Variants in DLG2 observed in about 807,000 individuals in gnomAD.
The protein encoded by DLG2 is discs large MAGUK scaffold protein 2, also known as disks large homolog 2.
In DLG2, 45 loss-of-function variants were observed where a neutral mutation model predicts 132.5. That is an observed-to-expected ratio of 0.34 (90% CI 0.27 to 0.44). The LOEUF is 0.44. DLG2 is among the 20% of genes least tolerant of loss of function. DLG2 has a pLI of 1.00. For synonymous variants in DLG2, 424 were observed against 419.6 expected (o/e 1.01, Z -0.13); for missense variants, 1,045 against 1,196.9 (o/e 0.87, Z 1.87).
chr11:84,926,341 A>G (rs1402699757), intron 6 of DLG2, among the ~76,000 whole-genome samples: 1 of 152,046 alleles, frequency 6.6e-6, no homozygotes, highest in Admixed American at 6.6e-5. Context: ...TAGTGATTCA[A>G]CTTTCAGGAA....
At chr11:84,080,800 T>C (rs2096890783) in intron 10 of DLG2, among the ~76,000 whole-genome samples, 1 of 152,074 alleles carries the variant, frequency 6.6e-6, no homozygotes, top group Non-Finnish European at 1.5e-5. Flanking sequence ...CAGACCAGCC[T>C]GGCCAACAAG....
chr11:84,411,053 T>A (rs544192716), intron 7 of DLG2, among the ~76,000 whole-genome samples: 2 of 152,274 alleles, frequency 1.3e-5, no homozygotes, highest in African/African-American at 2.4e-5. Context: ...TCCATACATC[T>A]AAACAAACCA....
At chr11:83,486,165 G>A in intron 21 of DLG2, 1 of 650,094 alleles carries the variant, frequency 1.5e-6, no homozygotes, top group South Asian at 1.7e-5. Flanking sequence ...AGTTAAAAAT[G>A]ATAGTCCTTA....
At chr11:84,757,460 G>A (rs1220623333) in intron 6 of DLG2, among the ~76,000 whole-genome samples, 2 of 152,020 alleles carry the variant, frequency 1.3e-5, no homozygotes. Flanking sequence ...AAAGTTTGAG[G>A]AGCATTGGAC....
chr11:83,772,575 A>G (rs1213386615), intron 18 of DLG2, among the ~76,000 whole-genome samples: 2 of 151,924 alleles, frequency 1.3e-5, no homozygotes, highest in East Asian at 1.9e-4. Context: ...AGAAACAGAG[A>G]AAGAAAGAAA....
intron 6 of DLG2, among the ~76,000 whole-genome samples, chr11:84,835,486 G>GATCAAATTATATAGTGCATAATTTATATA (rs1440066561): frequency 5.3e-5 from 8 of 151,648 alleles, no homozygotes; most frequent in African/African-American, 1.7e-4. Context: ...CATATGAAAA[G>GATCAAATTATATAGTGCATAATTTATATA]GTTAGCATAA....
intron 6 of DLG2, among the ~76,000 whole-genome samples, chr11:84,716,373 C>G (rs1232246372): frequency 6.6e-6 from 1 of 151,880 alleles, no homozygotes; most frequent in Non-Finnish European, 1.5e-5. Flanking sequence ...AACAAATATT[C>G]TTTTATGTTT....
chr11:84,563,797 T>C (rs2099437821), intron 6 of DLG2, among the ~76,000 whole-genome samples: 1 of 152,184 alleles, frequency 6.6e-6, no homozygotes, highest in Non-Finnish European at 1.5e-5. Context: ...TCTTAGCAGC[T>C]ATGTGACATC....
intron 6 of DLG2, among the ~76,000 whole-genome samples, chr11:84,582,931 A>G (rs1478079295): frequency 1.3e-5 from 2 of 152,202 alleles, no homozygotes; most frequent in African/African-American, 4.8e-5. Context: ...TCCTGATTCT[A>G]TTTAATCTTT....
intron 6 of DLG2, among the ~76,000 whole-genome samples, chr11:85,040,801 T>C (rs891822871): frequency 6.6e-5 from 10 of 151,900 alleles, no homozygotes; most frequent in African/African-American, 2.4e-4. Flanking sequence ...CCTTTTAGCA[T>C]AGAAATTCAC....
chr11:84,027,597 T>C lies in DLG2; in HGVS notation c.919+31718A>G, dbSNP rs190096231. The stretch of plus-strand genomic sequence containing the variant: ...TTTAAACATGAAAGTGTTATAAACA[T>C]ATTACTTACAAAAAGTAAGTAATGA... On this transcript the variant is annotated intron_variant, in intron 11 of 27. Coordinates refer to ENST00000376104, the MANE Select transcript of DLG2 (RefSeq NM_001142699.3). Among the ~76,000 whole-genome samples, 5 of 152,228 alleles carry C rather than the reference T, an allele frequency of 3.3e-5. No homozygotes were observed. In the South Asian group the frequency reaches 8.3e-4, roughly 25 times the overall value.
At chr11:85,131,084 A>T (rs1345624500) in intron 5 of DLG2, among the ~76,000 whole-genome samples, 2 of 151,916 alleles carry the variant, frequency 1.3e-5, no homozygotes, top group Admixed American at 6.5e-5. Flanking sequence ...TGGAGTAATG[A>T]CATTTATCTC....
intron 8 of DLG2, among the ~76,000 whole-genome samples, chr11:84,184,396 A>T (rs113018228): frequency 6.6e-6 from 1 of 151,756 alleles, no homozygotes; most frequent in South Asian, 2.1e-4. Context: ...GTCTGTTCAT[A>T]TCCTTCGCCC....
Position 85,423,816 on chromosome 11 carries a change from T to G in DLG2, c.41-138451A>C, listed in dbSNP as rs114436190. Among the ~76,000 whole-genome samples, 465 of 152,224 alleles carry G rather than the reference T, an allele frequency of 3.1e-3. 1 individual carries two copies. Among genetic ancestry groups the G allele is most frequent in the African/African-American group, 0.011 (448 of 41,536 alleles). ...AGAACTGAGTCTATTTCCAGGCAGT[T>G]GGAAAGCATGGCTGAGAACTTGCCC... On this transcript the variant is annotated intron_variant, in intron 3 of 27. Coordinates refer to ENST00000376104, the MANE Select transcript of DLG2 (RefSeq NM_001142699.3).
intron 3 of DLG2, among the ~76,000 whole-genome samples, chr11:85,540,171 CCCTTGGG>C (rs990322695): frequency 1.3e-5 from 2 of 152,292 alleles, no homozygotes; most frequent in African/African-American, 4.8e-5. Flanking sequence ...GAGGGATCCA[CCCTTGGG>C]CCTTTGCCCA....
intron 7 of DLG2, among the ~76,000 whole-genome samples, chr11:84,287,071 T>C (rs868320357): frequency 1.9e-4 from 29 of 152,324 alleles, no homozygotes; most frequent in African/African-American, 6.7e-4. Context: ...GGAGATTAAA[T>C]GAGTTGATTC....
At position 84,625,194 on chromosome 11, in the gene DLG2, T is replaced by G. The variant is rs144635827; in HGVS notation, c.358-90463A>C. 1.8e-3 allele frequency among the ~76,000 whole-genome samples: 271 copies of G among 152,164 alleles called. 2 individuals are homozygous for G. Among genetic ancestry groups the G allele is most frequent in the African/African-American group, 5.9e-3 (245 of 41,530 alleles). On this transcript the variant is annotated intron_variant, in intron 6 of 27. Coordinates refer to ENST00000376104, the MANE Select transcript of DLG2 (RefSeq NM_001142699.3). Reference sequence around the variant, plus strand: ...ACCTTTTATTCAAGTCAAAAGTCCTTAAAAATTTGAAGAATGAAACATCTA... The same window carrying G: ...ACCTTTTATTCAAGTCAAAAGTCCTGAAAAATTTGAAGAATGAAACATCTA...
chr11:83,665,124 T>G (rs1353433527), intron 18 of DLG2, among the ~76,000 whole-genome samples: 1 of 152,170 alleles, frequency 6.6e-6, no homozygotes, highest in Admixed American at 6.5e-5. Flanking sequence ...AAATGAAGTG[T>G]GTGCCTGTAA....
intron 7 of DLG2, among the ~76,000 whole-genome samples, chr11:84,448,704 T>C (rs558537502): frequency 1.3e-5 from 2 of 152,168 alleles, no homozygotes; most frequent in Admixed American, 6.5e-5. Context: ...TTATTGTACT[T>C]TGTACATAAC....
Sources: gnomAD v4.1 joint callset for allele counts (sites outside exome capture counted in the v4.1 genomes callset) on GRCh38, gnomAD v4.1.1 for gene constraint, MANE v1.5 for transcripts, NCBI Gene and HGNC (gene_info 2026-07-23, HGNC 2026-07-21) for gene names.